DKC1: variants seen among roughly 807,000 people sequenced by gnomAD.
DKC1 encodes the protein dyskerin pseudouridine synthase 1, also known as H/ACA ribonucleoprotein complex subunit DKC1.
A neutral mutation model predicts 46.7 loss-of-function variants in DKC1; 4 were observed. The observed-to-expected ratio is 0.09, with a 90% CI of 0.04 to 0.20. The LOEUF (loss-of-function observed/expected upper bound fraction) is 0.20, where lower values mean the gene tolerates loss of function less well. Ranked by LOEUF, DKC1 falls within the 10% of genes least tolerant of loss-of-function variation. DKC1 has a pLI of 1.00. For missense variants in DKC1, 171 were observed against 404.2 expected (o/e 0.42, Z 4.95); for synonymous variants, 141 against 142.4 (o/e 0.99, Z 0.07).
chrX:154,773,856 C>T (rs2071858323), intron 11 of DKC1, among the ~76,000 whole-genome samples: 2 of 112,133 alleles, frequency 1.8e-5, no homozygotes, highest in South Asian at 7.3e-4. Context: ...CAGAGGGGCT[C>T]CTCACTTCCC....
intron 3 of DKC1, among the ~76,000 whole-genome samples, 185 bp from the exon 4 acceptor site, chrX:154,765,722 A>G (rs973758048): frequency 8.9e-6 from 1 of 112,721 alleles, no homozygotes; most frequent in Admixed American, 9.4e-5. Context: ...AGTGCACTCA[A>G]CACTGTTGTA....
At chrX:154,768,121 A>G in intron 7 of DKC1, 181 bp from the exon 8 acceptor site, 1 of 538,356 alleles carries the variant, frequency 1.9e-6, no homozygotes, top group Non-Finnish European at 3.1e-6. Context: ...AAGTGCTGGA[A>G]TTACAGGCGT....
chrX:154,763,035 G>T, intron 1 of DKC1, 54 bp downstream of exon 1: 1 of 1,150,509 alleles, frequency 8.7e-7, no homozygotes, highest in African/African-American at 1.8e-5. Flanking sequence ...CGGGGAACGG[G>T]GGTGGGGGGA....
rs2071908829 is a variant in DKC1 at position 154,777,040 on chromosome X, C to G, written c.*173C>G. ...ATGTTACCTGGTGTGGTCATCCCATCTTGTCCTGTTTTAAGGATATGGGTG... is the reference window on the plus strand; with the variant it reads ...ATGTTACCTGGTGTGGTCATCCCATGTTGTCCTGTTTTAAGGATATGGGTG... On this transcript the variant is annotated 3_prime_UTR_variant, in exon 15 of 15. Coordinates refer to ENST00000369550, the MANE Select transcript of DKC1 (RefSeq NM_001363.5). 7.5e-6 allele frequency: 3 copies of G among 400,303 alleles called. No homozygotes were observed. Among genetic ancestry groups the G allele is most frequent in the South Asian group, 6.5e-5 (2 of 30,848 alleles). The allele number at this position is 400,303 out of a possible 1,213,427, so 33.0% of individuals were successfully genotyped here.
chrX:154,770,333 G>C (rs1199042641), intron 9 of DKC1, among the ~76,000 whole-genome samples: 1 of 109,102 alleles, frequency 9.2e-6, no homozygotes, highest in Non-Finnish European at 1.9e-5. Flanking sequence ...GCTGGGCGTG[G>C]TGGCACGTGC....
chrX:154,767,424 A>C, intron 7 of DKC1, 42 bp downstream of exon 7: 1 of 1,203,479 alleles, frequency 8.3e-7, no homozygotes, highest in Non-Finnish European at 1.1e-6. Flanking sequence ...CACATTCTTC[A>C]GGATTCTGTT....
intron 1 of DKC1, 38 bp from the exon 2 acceptor site, chrX:154,764,861 T>C: frequency 9.4e-7 from 1 of 1,067,320 alleles, no homozygotes. Flanking sequence ...TCATTTATTC[T>C]TGGGGAAAAT....
chrX:154,768,431 A>T lies in DKC1; in HGVS notation c.770A>T (p.Lys257Met), dbSNP rs782109583. 8.3e-7 allele frequency: 1 copy of T among 1,211,196 alleles called. No individual in the cohort carries two copies. Among genetic ancestry groups the T allele is most frequent in the East Asian group, 3.0e-5 (1 of 33,823 alleles). The change falls in exon 8 of 15, where the codon AAG becomes ATG. Residue 257 changes from lysine to methionine, a missense_variant and splice_region_variant. Around this residue, in one of 4 missense-constraint regions of DKC1, gnomAD observed 60 missense variants for 206.5 expected, o/e 0.29. Transcript: ENST00000369550. ...GTTCGTTCTGGAGTCATGAGTGAAA[A>T]GGTATGTGTTACGGGGCTAGAAGTT... ...RRVRSGVMSEKDHMVTMHDVL... is the reference protein window; with the variant it reads ...RRVRSGVMSEMDHMVTMHDVL...
At chrX:154,775,418 C>T (rs1291440168) in intron 13 of DKC1, 145 bp downstream of exon 13, 10 of 591,723 alleles carry the variant, frequency 1.7e-5, no homozygotes, top group Non-Finnish European at 2.6e-5. Flanking sequence ...GTAATGCTGC[C>T]TCATACCCTG....
At chrX:154,771,024 C>A in intron 10 of DKC1, 145 bp downstream of exon 10, 1 of 574,704 alleles carries the variant, frequency 1.7e-6, no homozygotes, top group Non-Finnish European at 2.8e-6. Flanking sequence ...CCATCTTAAG[C>A]ATTTATCCTT....
chrX:154,764,233 G>A (rs1271226114), intron 1 of DKC1, among the ~76,000 whole-genome samples: 1 of 107,703 alleles, frequency 9.3e-6, no homozygotes, highest in African/African-American at 3.4e-5. Flanking sequence ...TTATATGTAT[G>A]TATATTATAT....
At chrX:154,773,699 T>C (rs1182401428) in intron 11 of DKC1, among the ~76,000 whole-genome samples, 2 of 111,954 alleles carry the variant, frequency 1.8e-5, no homozygotes, top group African/African-American at 6.6e-5. Flanking sequence ...CCATGTCTAC[T>C]TCTCTCCACA....
chrX:154,767,008 G>A lies in DKC1; in HGVS notation c.460G>A (p.Val154Met). Residue 154 changes from valine to methionine, a missense_variant, in exon 6 of 15, where the codon GTG becomes ATG. This residue lies in a region of DKC1 where 16 missense variants were observed against 16.0 expected (regional missense o/e 1.00). Transcript: ENST00000369550. The part of the protein sequence containing the change: ...KSQQSAGKEY[V>M]GIVRLHNAIE... ...TTGTCATTTTTCAGGCAAAGAGTATGTGGGGATTGTCCGGCTGCACAATGC... is the reference window on the plus strand; with the variant it reads ...TTGTCATTTTTCAGGCAAAGAGTATATGGGGATTGTCCGGCTGCACAATGC... The A allele has an allele frequency of 8.3e-7, 1 of 1,211,719 alleles. No homozygotes were observed. The highest frequency in any genetic ancestry group is 1.1e-6 in the Non-Finnish European group (1 of 895,329).
intron 1 of DKC1, 72 bp from the exon 2 acceptor site, chrX:154,764,827 C>T (rs782623843): frequency 3.3e-5 from 26 of 791,928 alleles, no homozygotes; most frequent in Admixed American, 4.5e-5. Context: ...GCCCTAATTT[C>T]GGTCTTTATT....
chrX:154,765,458 T>C lies in DKC1; in HGVS notation c.99T>C (p.Ala33=). 2 of 1,209,699 alleles carry C rather than the reference T, an allele frequency of 1.7e-6. No homozygotes were observed. The highest frequency in any genetic ancestry group is 1.1e-6 in the Non-Finnish European group (1 of 893,152). ...TCCTGTCGAAGGAAATACAACACGC[T>C]GAAGAATTTCTTATCAAACCTGAAT... ...PEEDVAEIQH[A]EEFLIKPESK... Residue 33 remains alanine, a synonymous_variant, in exon 3 of 15, where the codon GCT becomes GCC. Transcript: ENST00000369550.
At chrX:154,775,876 G>A (rs904782134) in intron 13 of DKC1, among the ~76,000 whole-genome samples, 1 of 111,996 alleles carries the variant, frequency 8.9e-6, no homozygotes, top group African/African-American at 3.3e-5. Context: ...GTGAATTCCT[G>A]CTTTGCCTGC....
At chrX:154,771,243 T>G (rs1557264942) in intron 10 of DKC1, among the ~76,000 whole-genome samples, 2 of 99,268 alleles carry the variant, frequency 2.0e-5, no homozygotes, top group African/African-American at 7.5e-5. Flanking sequence ...CAGACTGCAG[T>G]GCAGAGACGT....
chrX:154,765,211 C>G (rs782308448), intron 2 of DKC1: 51 of 474,313 alleles, frequency 1.1e-4, no homozygotes, highest in Non-Finnish European at 1.6e-4. Context: ...CTTATGCCAC[C>G]CACAGACCCG....
Position 154,764,427 on chromosome X carries a change from T to C in DKC1, c.17-472T>C, listed in dbSNP as rs1279620535. ...GCTACACTAAATTTATAAAAATATA[T>C]TTTTCTTCAGAATAAATCAACCTTA... is the stretch of plus-strand genomic sequence containing the variant. On this transcript the variant is annotated intron_variant, in intron 1 of 14. Transcript: ENST00000369550. 4.5e-5 allele frequency among the ~76,000 whole-genome samples: 5 copies of C among 110,182 alleles called. No homozygotes were observed. In the East Asian group the frequency reaches 1.4e-3, roughly 31 times the overall value.
Sources: gnomAD v4.1 joint callset for allele counts (sites outside exome capture counted in the v4.1 genomes callset) on GRCh38, gnomAD v4.1.1 for gene constraint, gnomAD v4.1.1 regional missense constraint, MANE v1.5 for transcripts, NCBI Gene and HGNC (gene_info 2026-07-23, HGNC 2026-07-21) for gene names.